Variants in MYRIP observed in about 807,000 individuals in gnomAD.
MYRIP encodes the protein myosin VIIA and Rab interacting protein.
MYRIP carries 49 observed loss-of-function variants against 98.0 expected under a neutral mutation model. That is an observed-to-expected ratio of 0.50 (90% CI 0.40 to 0.63). The LOEUF is 0.63. Ranked by LOEUF, MYRIP falls within the 30% of genes least tolerant of loss-of-function variation. MYRIP has a pLI of 0.00. For missense variants in MYRIP, 1,004 were observed against 1,058.2 expected, an observed-to-expected ratio of 0.95 and a Z score of 0.71; for synonymous variants, 404 against 409.5, an observed-to-expected ratio of 0.99 and a Z score of 0.16.
At position 39,992,466 on chromosome 3, in the gene MYRIP, A is replaced by G. The variant is rs144397949; in HGVS notation, c.111-51584A>G. On this transcript the variant is annotated intron_variant, in intron 2 of 16. Coordinates refer to ENST00000302541, the MANE Select transcript of MYRIP (RefSeq NM_015460.4). ...CAGCTACCTTGCAGCTTTTTCAAAT[A>G]GTGGCTCTTTATTCTCTTTCCAATT... is the stretch of plus-strand genomic sequence containing the variant. 1.2e-3 allele frequency among the ~76,000 whole-genome samples: 185 copies of G among 152,294 alleles called. 1 individual carries two copies. Among genetic ancestry groups the G allele is most frequent in the South Asian group, 1.5e-3 (7 of 4,820 alleles).
At chr3:40,186,669 C>T (rs1951044271) in intron 9 of MYRIP, among the ~76,000 whole-genome samples, 1 of 152,170 alleles carries the variant, frequency 6.6e-6, no homozygotes, top group East Asian at 1.9e-4. Flanking sequence ...GAGCAAGCCT[C>T]AAGTAAAGAC....
chr3:39,955,012 A>T (rs1285490887), intron 2 of MYRIP, among the ~76,000 whole-genome samples: 2 of 152,200 alleles, frequency 1.3e-5, no homozygotes, highest in Non-Finnish European at 2.9e-5. Context: ...CCTCCAAGAA[A>T]TGTGGGACTA....
chr3:40,012,274 A>T (rs1946774776), intron 2 of MYRIP, among the ~76,000 whole-genome samples: 1 of 152,212 alleles, frequency 6.6e-6, no homozygotes, highest in South Asian at 2.1e-4. Context: ...GCAGCTCCAG[A>T]TAACCGACTG....
At chr3:39,921,511 A>T (rs1258966051) in intron 2 of MYRIP, among the ~76,000 whole-genome samples, 1 of 152,192 alleles carries the variant, frequency 6.6e-6, no homozygotes, top group African/African-American at 2.4e-5. Context: ...CTGAGAGATG[A>T]ATTTGCAGCC....
At chr3:40,110,642 GGCAC>G (rs1949139174) in intron 3 of MYRIP, among the ~76,000 whole-genome samples, 1 of 152,064 alleles carries the variant, frequency 6.6e-6, no homozygotes, top group Non-Finnish European at 1.5e-5. Flanking sequence ...GGGAGGCCTG[GGCAC>G]CCTGTGTCCT....
At chr3:40,155,212 A>G (rs532625547) in intron 4 of MYRIP, among the ~76,000 whole-genome samples, 116 of 144,494 alleles carry the variant, frequency 8.0e-4, no homozygotes, top group Admixed American at 1.3e-3. Context: ...TCATTGTTCA[A>G]TTCCCACCTA....
chr3:40,024,747 G>C (rs373271503), intron 2 of MYRIP, among the ~76,000 whole-genome samples: 32 of 152,098 alleles, frequency 2.1e-4, no homozygotes, highest in African/African-American at 7.5e-4. Context: ...CTGGTTATTA[G>C]AGAGCTTTCC....
chr3:39,828,087 T>C (rs897149354), intron 1 of MYRIP, among the ~76,000 whole-genome samples: 1 of 152,192 alleles, frequency 6.6e-6, no homozygotes, highest in African/African-American at 2.4e-5. Flanking sequence ...TGGAATCTAT[T>C]TGGGGTCCTT....
chr3:40,150,964 A>T, intron 3 of MYRIP, 84 bp from the exon 4 acceptor site: 1 of 1,282,020 alleles, frequency 7.8e-7, no homozygotes, highest in Non-Finnish European at 1.0e-6. Flanking sequence ...ATCTTGATGG[A>T]TGGAGCTGTG....
At chr3:40,244,158 G>A (rs1006519258) in intron 12 of MYRIP, among the ~76,000 whole-genome samples, 5 of 152,064 alleles carry the variant, frequency 3.3e-5, no homozygotes, top group African/African-American at 7.2e-5. Context: ...TACACAATTC[G>A]CATAGCTGAT....
intron 1 of MYRIP, among the ~76,000 whole-genome samples, chr3:39,849,759 A>G (rs1489981579): frequency 6.6e-6 from 1 of 152,138 alleles, no homozygotes; most frequent in African/African-American, 2.4e-5. Flanking sequence ...TAGAGAGATG[A>G]TGATTCTCCC....
At chr3:39,882,771 G>A (rs1432371264) in intron 1 of MYRIP, among the ~76,000 whole-genome samples, 1 of 151,982 alleles carries the variant, frequency 6.6e-6, no homozygotes, top group Non-Finnish European at 1.5e-5. Flanking sequence ...AATAAATATG[G>A]TATGTTTGCT....
intron 2 of MYRIP, among the ~76,000 whole-genome samples, chr3:39,958,177 A>T (rs1226653247): frequency 6.6e-6 from 1 of 152,064 alleles, no homozygotes; most frequent in African/African-American, 2.4e-5. Flanking sequence ...TGGAAAAATT[A>T]CTTTAAAGTT....
chr3:40,153,853 C>T (rs1292433415), intron 4 of MYRIP, among the ~76,000 whole-genome samples: 1 of 152,092 alleles, frequency 6.6e-6, no homozygotes, highest in African/African-American at 2.4e-5. Flanking sequence ...TAAAAACACT[C>T]AATTCAGGCC....
intron 4 of MYRIP, among the ~76,000 whole-genome samples, chr3:40,156,209 A>G (rs1437977135): frequency 1.3e-5 from 2 of 151,760 alleles, no homozygotes; most frequent in Non-Finnish European, 2.9e-5. Flanking sequence ...CTTTCTACAT[A>G]TGGCTAGCCA....
At chr3:39,901,389 G>A (rs1289729989) in intron 2 of MYRIP, among the ~76,000 whole-genome samples, 1 of 152,172 alleles carries the variant, frequency 6.6e-6, no homozygotes, top group Non-Finnish European at 1.5e-5. Context: ...ACCAGGCTGG[G>A]ATGGGATCAC....
intron 1 of MYRIP, among the ~76,000 whole-genome samples, chr3:39,891,444 C>T (rs1345943289): frequency 6.6e-6 from 1 of 152,096 alleles, no homozygotes; most frequent in Non-Finnish European, 1.5e-5. Flanking sequence ...AGGTGTACCA[C>T]ATTTAATGTA....
Position 40,178,500 on chromosome 3 carries a change from C to T in MYRIP, c.874-3720C>T, listed in dbSNP as rs917323135. On this transcript the variant is annotated intron_variant, in intron 8 of 16. Transcript: ENST00000302541. ...GCATCGAATTGGAATCAGTCAGACC[C>T]GAGCTCAACCCTTGCCTTACCCTTG... is the stretch of plus-strand genomic sequence containing the variant. Among the ~76,000 whole-genome samples the T allele has an allele frequency of 3.9e-5, 6 of 152,132 alleles. No homozygotes were observed. In the South Asian group the frequency reaches 6.2e-4, roughly 16 times the overall value.
chr3:40,237,245 G>C (rs1459753242), intron 12 of MYRIP, among the ~76,000 whole-genome samples: 1 of 152,142 alleles, frequency 6.6e-6, no homozygotes, highest in Admixed American at 6.5e-5. Flanking sequence ...GCATGTATCT[G>C]TCTGTTCACT....
Sources: allele counts gnomAD v4.1 joint callset (sites outside exome capture counted in the v4.1 genomes callset), GRCh38; gene constraint gnomAD v4.1.1; transcripts MANE v1.5; gene names NCBI Gene and HGNC (gene_info 2026-07-23, HGNC 2026-07-21).